Variants in MYO16 observed in about 807,000 individuals in gnomAD.
MYO16 encodes myosin XVI.
MYO16 carries 94 observed loss-of-function variants against 205.3 expected under a neutral mutation model. That is an observed-to-expected ratio of 0.46 (90% CI 0.39 to 0.54). MYO16 has a LOEUF of 0.54. MYO16 is among the 20% of genes least tolerant of loss of function. The pLI is 0.00. For synonymous variants in MYO16, 988 were observed against 954.0 expected (o/e 1.04, Z -0.66); for missense variants, 2,315 against 2,387.5 (o/e 0.97, Z 0.63).
chr13:108,811,309 C>T (rs1887283941), intron 7 of MYO16, among the ~76,000 whole-genome samples: 1 of 152,202 alleles, frequency 6.6e-6, no homozygotes, highest in Admixed American at 6.5e-5. Flanking sequence ...TTGGGGAAAA[C>T]AGTCTGGTTA....
chr13:108,567,264 G>T, the MYO16 span, among the ~76,000 whole-genome samples: 1 of 152,106 alleles, frequency 6.6e-6, no homozygotes, highest in African/African-American at 2.4e-5. Flanking sequence ...AGTGTCAAAA[G>T]AATGAACAAA....
intron 9 of MYO16, among the ~76,000 whole-genome samples, chr13:108,841,466 G>A (rs1176745316): frequency 6.6e-6 from 1 of 152,136 alleles, no homozygotes; most frequent in Non-Finnish European, 1.5e-5. Context: ...AAATCCTAGA[G>A]TAAAACCCAG....
intron 34 of MYO16, among the ~76,000 whole-genome samples, chr13:109,206,013 G>A (rs907123361): frequency 2.6e-5 from 4 of 152,178 alleles, no homozygotes; most frequent in Admixed American, 1.3e-4. Context: ...TTTAGTGACT[G>A]CCTTTTGGAA....
At chr13:109,153,835 C>A (rs1315257230) in intron 32 of MYO16, among the ~76,000 whole-genome samples, 1 of 152,212 alleles carries the variant, frequency 6.6e-6, no homozygotes, top group Non-Finnish European at 1.5e-5. Context: ...GAAACCCCAC[C>A]ACCGACCTGC....
the MYO16 span, among the ~76,000 whole-genome samples, chr13:108,509,829 G>C: frequency 6.6e-6 from 1 of 152,118 alleles, no homozygotes; most frequent in East Asian, 1.9e-4. Flanking sequence ...ACCCAACTGA[G>C]TGTGGCCCAG....
At chr13:108,529,453 T>A in the MYO16 span, among the ~76,000 whole-genome samples, 2 of 152,178 alleles carry the variant, frequency 1.3e-5, no homozygotes, top group African/African-American at 4.8e-5. Context: ...CACACAGGTC[T>A]TCCAGTGTTT....
At position 108,806,685 on chromosome 13, in the gene MYO16, A is replaced by T. The variant is rs781409874; in HGVS notation, c.748A>T (p.Met250Leu). ...AGATGTCTCTTCGCTGCAGTTACAC[A>T]TGGCGTGTGCGAGTGGCTACAAGGA... Reference protein sequence around the residue: ...KNDEGVTLLHMACASGYKEVV... With the variant: ...KNDEGVTLLHLACASGYKEVV... Residue 250 changes from methionine (M) to leucine (L), a missense_variant, in exon 7 of 35, where the codon ATG becomes TTG. Around this residue, in one of 3 missense-constraint regions of MYO16, gnomAD observed 1,213 missense variants for 1,274.4 expected, o/e 0.95. Transcript: ENST00000457511. 1 of 1,612,776 alleles carries T rather than the reference A, an allele frequency of 6.2e-7. No individual in the cohort carries two copies. The highest frequency in any genetic ancestry group is 1.3e-5 in the African/African-American group (1 of 74,900).
At chr13:108,647,029 GC>G (rs1880784969) in intron 1 of MYO16, among the ~76,000 whole-genome samples, 1 of 152,108 alleles carries the variant, frequency 6.6e-6, no homozygotes, top group South Asian at 2.1e-4. Flanking sequence ...ACAGTCATAT[GC>G]ATGCATATAT....
intron 15 of MYO16, among the ~76,000 whole-genome samples, chr13:108,899,705 C>G (rs1419394553): frequency 6.6e-6 from 1 of 152,134 alleles, no homozygotes; most frequent in Non-Finnish European, 1.5e-5. Flanking sequence ...CAGTTTTCCC[C>G]CTGAGCTCTC....
chr13:108,743,299 C>T (rs970320149), intron 4 of MYO16, among the ~76,000 whole-genome samples: 1 of 151,816 alleles, frequency 6.6e-6, no homozygotes, highest in African/African-American at 2.4e-5. Flanking sequence ...TTCCTGTGTC[C>T]TGGAGTCATT....
intron 23 of MYO16, among the ~76,000 whole-genome samples, chr13:109,023,625 A>T (rs1236880092): frequency 4.1e-5 from 5 of 122,556 alleles, no homozygotes; most frequent in African/African-American, 1.6e-4. Context: ...ATACAAATAT[A>T]TAGACAAATA....
At chr13:108,812,214 T>C (rs955924641) in intron 7 of MYO16, among the ~76,000 whole-genome samples, 3 of 151,944 alleles carry the variant, frequency 2.0e-5, no homozygotes, top group Non-Finnish European at 2.9e-5. Context: ...CTCCTGTCCC[T>C]GTACAAGCAC....
intron 23 of MYO16, among the ~76,000 whole-genome samples, chr13:109,025,376 C>A (rs1257270023): frequency 2.0e-5 from 3 of 152,116 alleles, no homozygotes; most frequent in African/African-American, 7.2e-5. Flanking sequence ...AGCTGAAGAT[C>A]TTTTCTAAAC....
At chr13:108,633,547 G>A (rs1324099926) in intron 1 of MYO16, among the ~76,000 whole-genome samples, 1 of 152,088 alleles carries the variant, frequency 6.6e-6, no homozygotes, top group African/African-American at 2.4e-5. Context: ...TGATCAGATG[G>A]TGTCCATCCA....
chr13:108,987,110 C>T (rs553476920), intron 20 of MYO16, among the ~76,000 whole-genome samples: 8 of 152,270 alleles, frequency 5.3e-5, no homozygotes, highest in Non-Finnish European at 8.8e-5. Context: ...GCAAGGGGTC[C>T]GCAGTTCTGT....
the MYO16 span, among the ~76,000 whole-genome samples, chr13:108,583,132 A>G: frequency 2.0e-4 from 30 of 152,344 alleles, no homozygotes; most frequent in African/African-American, 7.0e-4. Context: ...CAGTTTATAT[A>G]AAATCATAGG....
the MYO16 span, among the ~76,000 whole-genome samples, chr13:108,580,981 GTTTC>G: frequency 6.6e-6 from 1 of 152,158 alleles, no homozygotes; most frequent in East Asian, 1.9e-4. Context: ...CAGCAAGCAT[GTTTC>G]TTTCTATAAT....
intron 19 of MYO16, among the ~76,000 whole-genome samples, chr13:108,964,368 T>C (rs1459420048): frequency 6.6e-6 from 1 of 152,208 alleles, no homozygotes; most frequent in Non-Finnish European, 1.5e-5. Flanking sequence ...TTTGAAAATA[T>C]TTAAAATATA....
chr13:108,851,573 A>T (rs1016174238), intron 10 of MYO16, among the ~76,000 whole-genome samples: 1 of 152,200 alleles, frequency 6.6e-6, no homozygotes, highest in East Asian at 1.9e-4. Context: ...AAAATTATCC[A>T]TCTCTATAAG....
Sources: allele counts gnomAD v4.1 joint callset (sites outside exome capture counted in the v4.1 genomes callset), GRCh38; gene constraint gnomAD v4.1.1; regional missense constraint gnomAD v4.1.1; transcripts MANE v1.5; gene names NCBI Gene and HGNC (gene_info 2026-07-23, HGNC 2026-07-21).